PALB2: variants seen among roughly 807,000 people sequenced by gnomAD.
The protein encoded by PALB2 is mutant partner and localizer of BRCA2.
PALB2 carries 82 observed loss-of-function variants against 107.4 expected under a neutral mutation model. The ratio of observed to expected loss-of-function variants is 0.76; its 90% CI spans 0.64 to 0.92. The LOEUF is 0.92. PALB2 is among the 40% of genes least tolerant of loss of function. The pLI is 0.00. For synonymous variants in PALB2, 489 were observed against 496.8 expected (o/e 0.98, Z 0.21); for missense variants, 1,374 against 1,379.9 (o/e 1.00, Z 0.07).
intron 10 of PALB2, among the ~76,000 whole-genome samples, chr16:23,614,795 C>G (rs868076083): frequency 6.7e-6 from 1 of 149,044 alleles, no homozygotes; most frequent in Non-Finnish European, 1.5e-5. Flanking sequence ...GGACTACAGG[C>G]GCCCGCCACT....
At chr16:23,640,429 A>G (rs2142475144) in intron 1 of PALB2, 2 of 198,664 alleles carry the variant, frequency 1.0e-5, no homozygotes, top group East Asian at 7.9e-5. Flanking sequence ...GCTTGATCCC[A>G]GGAAGCGGAG....
intron 4 of PALB2, among the ~76,000 whole-genome samples, chr16:23,634,345 CA>C (rs1330566531): frequency 6.6e-6 from 1 of 152,150 alleles, no homozygotes; most frequent in African/African-American, 2.4e-5. Context: ...AGTATCTGTA[CA>C]ACATTTAGAA....
intron 10 of PALB2, among the ~76,000 whole-genome samples, chr16:23,620,289 TC>T (rs1966750456): frequency 1.3e-5 from 2 of 151,740 alleles, no homozygotes; most frequent in Admixed American, 6.6e-5. Context: ...AATTTAGGGT[TC>T]TTTTTTTTAT....
chr16:23,619,459 T>C (rs771698185), intron 10 of PALB2, among the ~76,000 whole-genome samples: 1 of 152,010 alleles, frequency 6.6e-6, no homozygotes, highest in Non-Finnish European at 1.5e-5. Flanking sequence ...GCGATTCTCC[T>C]GCCTTAGCCT....
At chr16:23,618,451 G>A (rs1307188559) in intron 10 of PALB2, among the ~76,000 whole-genome samples, 1 of 152,214 alleles carries the variant, frequency 6.6e-6, no homozygotes, top group Non-Finnish European at 1.5e-5. Flanking sequence ...AGCTGGAGAG[G>A]ACATTTTTGT....
chr16:23,627,866 A>G (rs1451481839), intron 6 of PALB2, among the ~76,000 whole-genome samples: 2 of 152,220 alleles, frequency 1.3e-5, no homozygotes, highest in African/African-American at 4.8e-5. Context: ...AATAATCTAT[A>G]AGAAGTAACT....
chr16:23,641,178 A>G lies in PALB2; in HGVS notation c.-21T>C, dbSNP rs770278498. ...TCCATCGGGCAGGCGACAGAACGAAAAGAGCAGCCGTCGCCGACCCCAGGC... is the reference window on the plus strand; with the variant it reads ...TCCATCGGGCAGGCGACAGAACGAAGAGAGCAGCCGTCGCCGACCCCAGGC... On this transcript the variant is annotated 5_prime_UTR_variant, in exon 1 of 13. Transcript: ENST00000261584. 6.2e-7 allele frequency: 1 copy of G among 1,611,338 alleles called. No homozygotes were observed. Among genetic ancestry groups the G allele is most frequent in the South Asian group, 1.1e-5 (1 of 90,692 alleles).
chr16:23,625,063 G>C (rs1966839335), intron 7 of PALB2, among the ~76,000 whole-genome samples: 1 of 152,042 alleles, frequency 6.6e-6, no homozygotes, highest in Non-Finnish European at 1.5e-5. Flanking sequence ...GCTGGGTGTA[G>C]AGCTCATGCC....
chr16:23,625,649 T>C (rs1330301029), intron 7 of PALB2, among the ~76,000 whole-genome samples: 2 of 151,336 alleles, frequency 1.3e-5, no homozygotes, highest in African/African-American at 4.9e-5. Context: ...ACAAAAAAAT[T>C]AGCCAGGCAT....
In PALB2 at chr16:23,638,078, G is replaced by A. The variant is rs373483056; in HGVS notation, c.100C>T (p.Arg34Cys). 61 of 1,613,840 alleles carry A rather than the reference G, an allele frequency of 3.8e-5. No homozygotes were observed. The highest frequency in any genetic ancestry group is 5.3e-5 in the African/African-American group (4 of 75,018). Residue 34 changes from arginine (R) to cysteine (C), a missense_variant, in exon 2 of 13, where the codon CGC becomes TGC. Arg to Cys is a radical substitution (Grantham distance 180). Transcript: ENST00000261584. ...GAATACGATTCACTTACCTGAAGGC[G>A]GGCTAGTGTCTTGCTGTATTCCCTT... Reference protein sequence around the residue: ...LKREYSKTLARLQRAQRAEKI... With the variant: ...LKREYSKTLACLQRAQRAEKI...
At chr16:23,606,981 T>A (rs1299449402) in intron 12 of PALB2, among the ~76,000 whole-genome samples, 1 of 151,586 alleles carries the variant, frequency 6.6e-6, no homozygotes, top group Non-Finnish European at 1.5e-5. Context: ...GCCCAGCTAA[T>A]TTTTGTATTT....
At position 23,641,180 on chromosome 16, in the gene PALB2, G is replaced by A. The variant is rs1597106322; in HGVS notation, c.-23C>T. 1 of 1,610,836 alleles carries A rather than the reference G, an allele frequency of 6.2e-7. No homozygotes were observed. The highest frequency in any genetic ancestry group is 1.7e-5 in the Admixed American group (1 of 59,822). The stretch of plus-strand genomic sequence containing the variant: ...CATCGGGCAGGCGACAGAACGAAAA[G>A]AGCAGCCGTCGCCGACCCCAGGCCT... On this transcript the variant is annotated 5_prime_UTR_variant, in exon 1 of 13. Transcript: ENST00000261584.
intron 6 of PALB2, 28 bp downstream of exon 6, chr16:23,629,176 A>C: frequency 3.2e-6 from 5 of 1,563,338 alleles, no homozygotes; most frequent in Non-Finnish European, 4.4e-6. Flanking sequence ...GTAAGACACG[A>C]GACACTGGAA....
rs2142255608 is a variant in PALB2 at position 23,603,666 on chromosome 16, G to A, written c.3354C>T (p.Phe1118=). 3 of 1,611,952 alleles carry A rather than the reference G, an allele frequency of 1.9e-6. No individual in the cohort carries two copies. The highest frequency in any genetic ancestry group is 2.5e-6 in the Non-Finnish European group (3 of 1,179,394). ...AGTGATCTTTCACGTCACCTTCCAG[G>A]AACCTGATAGCATACAAAGAAGATA... ...YCLPPGQAGR[F]LEGDVKDHCA... Residue 1118 remains phenylalanine, a synonymous_variant, in exon 13 of 13, where the codon TTC becomes TTT. Transcript: ENST00000261584.
rs1966391362 is a variant in PALB2, at chr16:23,603,310, C to A, written c.*149G>T. ...TGTACATCCAAGATCAGTGGTGCTACCATCATTAGAATAAAAAATAAGTCT... is the reference window on the plus strand; with the variant it reads ...TGTACATCCAAGATCAGTGGTGCTAACATCATTAGAATAAAAAATAAGTCT... On this transcript the variant is annotated 3_prime_UTR_variant, in exon 13 of 13. Coordinates refer to ENST00000261584, the MANE Select transcript of PALB2 (RefSeq NM_024675.4). 2 of 667,026 alleles carry A rather than the reference C, an allele frequency of 3.0e-6. No individual in the cohort carries two copies. Among genetic ancestry groups the A allele is most frequent in the Non-Finnish European group, 2.6e-6 (1 of 382,366 alleles). 41.3% of individuals were successfully genotyped at this position (667,026 alleles called of 1,614,324 possible).
chr16:23,607,515 C>G (rs1966499256), intron 12 of PALB2: 1 of 331,044 alleles, frequency 3.0e-6, no homozygotes, highest in South Asian at 2.7e-5. Context: ...AAGTTGGTCT[C>G]AAACTCCTGG....
At position 23,630,286 on chromosome 16, in the gene PALB2, T is replaced by C. The variant is rs2142387312; in HGVS notation, c.1868A>G (p.Lys623Arg). The C allele has an allele frequency of 6.2e-7, 1 of 1,614,194 alleles. No homozygotes were observed. The highest frequency in any genetic ancestry group is 8.5e-7 in the Non-Finnish European group (1 of 1,180,040). Residue 623 changes from lysine to arginine, a missense_variant, in exon 5 of 13, where the codon AAG becomes AGG. Transcript: ENST00000261584. ...QLPDEDFGPL[K>R]LEKVKSCSEK... ...TGAGCAGGACTTCACTTTTTCAAGC[T>C]TAAGAGGTCCAAAGTCTTCATCAGG...
chr16:23,607,926 G>A lies in PALB2; in HGVS notation c.3288C>T (p.Asn1096=), dbSNP rs1597066782. ...CACCCACGCTGAGAGTCGTCTTAGG[G>A]TTAATCACAATGAGCTGAAACACAG... The part of the protein sequence containing the change: ...RSPVFQLIVI[N]PKTTLSVGVM... The change falls in exon 12 of 13, where the codon AAC becomes AAT. Residue 1096 remains asparagine, a synonymous_variant. Transcript: ENST00000261584. 4.3e-6 allele frequency: 7 copies of A among 1,614,118 alleles called. No homozygotes were observed. In the South Asian group the frequency reaches 7.7e-5, roughly 18 times the overall value.
chr16:23,640,601 T>G (rs1195763716), intron 1 of PALB2: 2 of 233,270 alleles, frequency 8.6e-6, no homozygotes, highest in Non-Finnish European at 1.7e-5. Context: ...GAAAGCAAGG[T>G]AGATAAACAT....
Sources: gnomAD v4.1 joint callset for allele counts (sites outside exome capture counted in the v4.1 genomes callset) on GRCh38, gnomAD v4.1.1 for gene constraint, MANE v1.5 for transcripts, NCBI Gene and HGNC (gene_info 2026-07-23, HGNC 2026-07-21) for gene names.